Variants in ADAMTSL1 observed in about 807,000 individuals in gnomAD.
The protein encoded by ADAMTSL1 is ADAMTS-like protein 1.
Under a neutral mutation model 201.8 loss-of-function variants are expected in ADAMTSL1, and 126 were observed. The ratio of observed to expected loss-of-function variants is 0.62; its 90% CI spans 0.54 to 0.72. The LOEUF (loss-of-function observed/expected upper bound fraction) is 0.72. ADAMTSL1 is among the 30% of genes least tolerant of loss of function. ADAMTSL1 has a pLI of 0.00. For missense variants in ADAMTSL1, 2,679 were observed against 2,277.8 expected, an observed-to-expected ratio of 1.18 and a Z score of -3.59; for synonymous variants, 1,121 against 903.4, an observed-to-expected ratio of 1.24 and a Z score of -4.32.
upstream of ADAMTSL1, among the ~76,000 whole-genome samples, chr9:18,471,269 C>T (rs1168192358): frequency 1.3e-5 from 2 of 152,106 alleles, no homozygotes; most frequent in Non-Finnish European, 2.9e-5. Context: ...TATGTGTATA[C>T]ATCATATATA....
chr9:18,698,940 G>C (rs1831748707), intron 13 of ADAMTSL1, among the ~76,000 whole-genome samples: 1 of 152,074 alleles, frequency 6.6e-6, no homozygotes, highest in Non-Finnish European at 1.5e-5. Flanking sequence ...GTCTTGTCTA[G>C]AACCATATCA....
At chr9:18,888,421 T>G (rs1037465252) in intron 24 of ADAMTSL1, among the ~76,000 whole-genome samples, 1 of 152,272 alleles carries the variant, frequency 6.6e-6, no homozygotes. Flanking sequence ...TACTGCCTCC[T>G]GCCTGGAGAG....
chr9:18,310,057 A>G (rs58737975), intron 2 of ADAMTSL1, among the ~76,000 whole-genome samples: 10,455 of 152,094 alleles, frequency 0.069, 1,166 homozygotes, highest in African/African-American at 0.24. Flanking sequence ...TCTGATCTTT[A>G]ACAAACCTGA....
At chr9:18,665,917 C>T (rs769085171) in intron 9 of ADAMTSL1, among the ~76,000 whole-genome samples, 1 of 152,078 alleles carries the variant, frequency 6.6e-6, no homozygotes, top group Non-Finnish European at 1.5e-5. Flanking sequence ...CACTAATAAT[C>T]CCCAATGCCC....
chr9:18,148,354 A>G (rs1826749711), intron 1 of ADAMTSL1, among the ~76,000 whole-genome samples: 1 of 150,400 alleles, frequency 6.6e-6, no homozygotes, highest in African/African-American at 2.4e-5. Flanking sequence ...AAAAAAAAAC[A>G]TGGATGATTA....
At chr9:18,020,226 G>C (rs1401338355) in intron 1 of ADAMTSL1, among the ~76,000 whole-genome samples, 2 of 152,048 alleles carry the variant, frequency 1.3e-5, no homozygotes, top group African/African-American at 4.8e-5. Flanking sequence ...GGGACAGGCA[G>C]TTTCTAAGAT....
At position 18,245,119 on chromosome 9, in the gene ADAMTSL1, C is replaced by T. The variant is rs1173194690; in HGVS notation, c.207+81138C>T. Among the ~76,000 whole-genome samples, 3 of 152,020 alleles carry T rather than the reference C, an allele frequency of 2.0e-5. No homozygotes were observed. The East Asian group carries it at 5.8e-4, about 29-fold the overall frequency. ...ATGGCAGGTGTTAGATCAGGGAATT[C>T]CTACCTCATTATATCAGGGATGCAA... On this transcript the variant is annotated intron_variant, in intron 2 of 29. Transcript: ENST00000680146.
chr9:18,317,744 G>A (rs913563420), intron 2 of ADAMTSL1, among the ~76,000 whole-genome samples: 1 of 152,164 alleles, frequency 6.6e-6, no homozygotes, highest in Non-Finnish European at 1.5e-5. Context: ...TGGCCTTGGT[G>A]GAGTGCTTCT....
At chr9:18,061,975 G>A (rs1822478107) in intron 1 of ADAMTSL1, among the ~76,000 whole-genome samples, 1 of 152,132 alleles carries the variant, frequency 6.6e-6, no homozygotes, top group Non-Finnish European at 1.5e-5. Flanking sequence ...TCATTTACTT[G>A]GAGACAGGAT....
At chr9:18,871,879 C>A (rs1318402847) in intron 23 of ADAMTSL1, among the ~76,000 whole-genome samples, 1 of 152,154 alleles carries the variant, frequency 6.6e-6, no homozygotes, top group South Asian at 2.1e-4. Flanking sequence ...TAAAGCCAAC[C>A]TAGATAATAC....
At chr9:18,688,120 A>G (rs911297199) in intron 13 of ADAMTSL1, among the ~76,000 whole-genome samples, 25 of 108,226 alleles carry the variant, frequency 2.3e-4, no homozygotes, top group Admixed American at 8.2e-4. Flanking sequence ...GTATGTATGT[A>G]TATATATATA....
intron 2 of ADAMTSL1, among the ~76,000 whole-genome samples, chr9:18,327,832 C>T (rs1834887028): frequency 6.6e-6 from 1 of 152,162 alleles, no homozygotes. Context: ...AGAAATATAG[C>T]TTGCTTACCA....
chr9:17,980,671 C>T (rs1485992832), intron 1 of ADAMTSL1, among the ~76,000 whole-genome samples: 1 of 152,012 alleles, frequency 6.6e-6, no homozygotes, highest in Non-Finnish European at 1.5e-5. Context: ...GGTATTAGGA[C>T]CCTTATCAAG....
intron 9 of ADAMTSL1, among the ~76,000 whole-genome samples, chr9:18,674,367 T>G (rs1431208096): frequency 6.6e-6 from 1 of 152,200 alleles, no homozygotes. Flanking sequence ...CCATCTTAAA[T>G]GCTTTGTTTC....
intron 1 of ADAMTSL1, among the ~76,000 whole-genome samples, chr9:17,997,679 C>A (rs185644373): frequency 6.6e-5 from 10 of 151,484 alleles, no homozygotes; most frequent in African/African-American, 2.4e-4. Flanking sequence ...CTGTTCTGCA[C>A]GGGGAAAAAA....
intron 23 of ADAMTSL1, 39 bp downstream of exon 23, chr9:18,830,016 G>A (rs988151426): frequency 3.2e-6 from 5 of 1,570,068 alleles, no homozygotes; most frequent in Non-Finnish European, 4.3e-6. Flanking sequence ...AGAAAGCCAG[G>A]ACTGGACAGG....
At position 18,715,214 on chromosome 9, in the gene ADAMTSL1, C is replaced by T. The variant is rs568924548; in HGVS notation, c.1877-6322C>T. ...GCCCTCTCTCACCACTCCTATTCAA[C>T]ATAGTGTTGGAAGTTCTGGCCAGGG... is the stretch of plus-strand genomic sequence containing the variant. On this transcript the variant is annotated intron_variant, in intron 14 of 28. Coordinates refer to ENST00000380548, the MANE Select transcript of ADAMTSL1 (RefSeq NM_001040272.6). 5.9e-4 allele frequency among the ~76,000 whole-genome samples: 89 copies of T among 149,798 alleles called. 1 individual carries two copies. The highest frequency in any genetic ancestry group is 1.6e-3 in the Admixed American group (24 of 14,912).
At chr9:18,180,405 C>T (rs1280487013) in intron 2 of ADAMTSL1, among the ~76,000 whole-genome samples, 7 of 150,874 alleles carry the variant, frequency 4.6e-5, no homozygotes, top group African/African-American at 7.3e-5. Flanking sequence ...TAGTGGCGGG[C>T]GCCTGTAGTC....
chr9:18,853,311 A>C (rs1288718442), intron 23 of ADAMTSL1, among the ~76,000 whole-genome samples: 1 of 152,212 alleles, frequency 6.6e-6, no homozygotes, highest in African/African-American at 2.4e-5. Context: ...ATGGGATACC[A>C]GCGTTTTAGT....
Sources: allele counts gnomAD v4.1 joint callset (sites outside exome capture counted in the v4.1 genomes callset), GRCh38; gene constraint gnomAD v4.1.1; transcripts MANE v1.5; gene names NCBI Gene and HGNC (gene_info 2026-07-23, HGNC 2026-07-21).